The following ZNF804B variants were observed in gnomAD, a reference collection of about 807,000 sequenced individuals.
ZNF804B encodes the protein zinc finger protein 804B, also known as zinc finger 804B.
Under a neutral mutation model 101.4 loss-of-function variants are expected in ZNF804B, and 80 were observed. The ratio of observed to expected loss-of-function variants is 0.79; its 90% CI spans 0.66 to 0.95. ZNF804B has a LOEUF of 0.95. Ranked by LOEUF, ZNF804B falls within the 40% of genes least tolerant of loss-of-function variation. The pLI, the probability that ZNF804B is intolerant of heterozygous loss-of-function variation, is 0.00. For missense variants in ZNF804B, 1,673 were observed against 1,561.9 expected, an observed-to-expected ratio of 1.07 and a Z score of -1.20; for synonymous variants, 622 against 558.8, an observed-to-expected ratio of 1.11 and a Z score of -1.59.
chr7:88,936,379 C>A (rs1271545728), intron 1 of ZNF804B, among the ~76,000 whole-genome samples: 1 of 151,978 alleles, frequency 6.6e-6, no homozygotes, highest in African/African-American at 2.4e-5. Flanking sequence ...GACAGATGAT[C>A]AAAGCAAAAG....
chr7:89,281,987 G>A (rs1790103253), intron 2 of ZNF804B, among the ~76,000 whole-genome samples: 1 of 151,932 alleles, frequency 6.6e-6, no homozygotes, highest in South Asian at 2.1e-4. Context: ...GGATCACGAG[G>A]TCAGGAGATC....
chr7:88,852,370 G>A (rs895610475), intron 1 of ZNF804B, among the ~76,000 whole-genome samples: 8 of 151,950 alleles, frequency 5.3e-5, no homozygotes, highest in Admixed American at 5.3e-4. Context: ...ACAGCTTCAG[G>A]GATTTTTTTT....
intron 1 of ZNF804B, among the ~76,000 whole-genome samples, chr7:88,966,894 T>G (rs1444773646): frequency 6.6e-6 from 1 of 151,390 alleles, no homozygotes; most frequent in South Asian, 2.1e-4. Flanking sequence ...CCACCATAGG[T>G]GTACTGATTC....
intron 1 of ZNF804B, among the ~76,000 whole-genome samples, chr7:89,009,043 A>G (rs1788412847): frequency 6.6e-6 from 1 of 152,138 alleles, no homozygotes; most frequent in African/African-American, 2.4e-5. Flanking sequence ...TCCACAAGGT[A>G]CTTGCCCATT....
chr7:88,893,328 C>T (rs748686988), intron 1 of ZNF804B, among the ~76,000 whole-genome samples: 4 of 152,004 alleles, frequency 2.6e-5, no homozygotes, highest in African/African-American at 7.2e-5. Flanking sequence ...CTTATCTGAA[C>T]ATCTATCATC....
At chr7:89,065,119 A>G (rs541883236) in intron 1 of ZNF804B, among the ~76,000 whole-genome samples, 36 of 152,268 alleles carry the variant, frequency 2.4e-4, no homozygotes, top group African/African-American at 7.2e-4. Context: ...ACCTGTCAAG[A>G]GAAAGAACCC....
chr7:89,113,856 C>T (rs1303471642), intron 1 of ZNF804B, among the ~76,000 whole-genome samples: 5 of 151,008 alleles, frequency 3.3e-5, no homozygotes, highest in Non-Finnish European at 5.9e-5. Context: ...GGCTGAGGCA[C>T]GAGAATCGCT....
In ZNF804B at chr7:89,334,898, T is replaced by G. The variant is rs1056355170; in HGVS notation, c.1916T>G (p.Leu639Trp). The G allele has an allele frequency of 1.9e-6, 3 of 1,613,838 alleles. No individual in the cohort carries two copies. Among genetic ancestry groups the G allele is most frequent in the Non-Finnish European group, 2.5e-6 (3 of 1,179,880 alleles). ...ATCTCTAGGTTTAAAAAGCATAAAT[T>G]GATTCCCTGCAGTCCTCATTTGGAA... ...SYISRFKKHK[L>W]IPCSPHLEFE... Residue 639 changes from leucine to tryptophan, a missense_variant, in exon 4 of 4, where the codon TTG (leucine) becomes TGG (tryptophan). Coordinates refer to ENST00000333190, the MANE Select transcript of ZNF804B (RefSeq NM_181646.5).
Position 89,220,109 on chromosome 7 carries a change from G to GCA in ZNF804B, c.249+1814_249+1815insCA, listed in dbSNP as rs1788977315. 6.3e-5 allele frequency among the ~76,000 whole-genome samples: 7 copies of GCA among 110,262 alleles called. 1 individual carries two copies. The highest frequency in any genetic ancestry group is 2.7e-4 in the African/African-American group (7 of 25,522). The allele number at this position is 110,262 out of a possible 152,430, so 72.3% of individuals were successfully genotyped here. On this transcript the variant is annotated intron_variant, in intron 2 of 3. Transcript: ENST00000333190. The stretch of plus-strand genomic sequence containing the variant: ...TATATATACGCACATATATATGTGT[G>GCA]TATATACATATATATACGCACACAT...
At chr7:89,035,847 C>T (rs981150868) in intron 1 of ZNF804B, among the ~76,000 whole-genome samples, 2 of 146,438 alleles carry the variant, frequency 1.4e-5, no homozygotes, top group African/African-American at 5.0e-5. Flanking sequence ...GGGATATTTG[C>T]AGTCATTCCA....
chr7:89,063,733 C>T (rs973431126), intron 1 of ZNF804B, among the ~76,000 whole-genome samples: 23 of 152,024 alleles, frequency 1.5e-4, no homozygotes, highest in Non-Finnish European at 2.9e-5. Context: ...GAGGAAGTCC[C>T]CAATATTTAA....
intron 1 of ZNF804B, among the ~76,000 whole-genome samples, chr7:89,103,469 T>C (rs1355391792): frequency 6.8e-6 from 1 of 147,434 alleles, no homozygotes; most frequent in Non-Finnish European, 1.5e-5. Context: ...TTTCTAGGTA[T>C]TTTGTGTGTG....
At chr7:88,791,797 A>G (rs1790385668) in intron 1 of ZNF804B, among the ~76,000 whole-genome samples, 1 of 152,258 alleles carries the variant, frequency 6.6e-6, no homozygotes, top group East Asian at 1.9e-4. Flanking sequence ...ATTTTTCCAC[A>G]GTGCTGCGTA....
intron 1 of ZNF804B, among the ~76,000 whole-genome samples, chr7:88,820,728 C>A (rs1258759456): frequency 6.6e-6 from 1 of 151,934 alleles, no homozygotes. Flanking sequence ...TCACTGCCTG[C>A]AATTGAATGA....
intron 1 of ZNF804B, among the ~76,000 whole-genome samples, chr7:89,176,167 C>A (rs1791315332): frequency 6.6e-6 from 1 of 151,886 alleles, no homozygotes; most frequent in Non-Finnish European, 1.5e-5. Context: ...AGTTTCTCCC[C>A]ATTCATGATA....
At position 89,188,589 on chromosome 7, in the gene ZNF804B, A is replaced by C. The variant is rs1052462306; in HGVS notation, c.109-29566A>C. On this transcript the variant is annotated intron_variant, in intron 1 of 3. Transcript: ENST00000333190. ...GCGTGGCCACTTGAATCAAACAGTT[A>C]GCAAAGTTCTGAATGCAAAGGAAAA... Among the ~76,000 whole-genome samples, 5 of 152,310 alleles carry C rather than the reference A, an allele frequency of 3.3e-5. 1 individual carries two copies. Among genetic ancestry groups the C allele is most frequent in the Middle Eastern group, 6.8e-3 (2 of 294 alleles).
At chr7:89,191,885 T>C (rs573539334) in intron 1 of ZNF804B, among the ~76,000 whole-genome samples, 2 of 152,222 alleles carry the variant, frequency 1.3e-5, no homozygotes, top group South Asian at 4.1e-4. Flanking sequence ...CCCGTAAGAA[T>C]AGCTTACATG....
intron 2 of ZNF804B, among the ~76,000 whole-genome samples, chr7:89,262,683 T>A (rs1179715484): frequency 6.6e-6 from 1 of 152,190 alleles, no homozygotes; most frequent in East Asian, 1.9e-4. Flanking sequence ...TCCAGAATAT[T>A]TGTGTGCCCA....
chr7:89,046,586 A>G (rs1789110531), intron 1 of ZNF804B, among the ~76,000 whole-genome samples: 1 of 152,188 alleles, frequency 6.6e-6, no homozygotes, highest in African/African-American at 2.4e-5. Context: ...CTAACCAAAT[A>G]TACCTCCTTA....
Sources: gnomAD v4.1 joint callset for allele counts (sites outside exome capture counted in the v4.1 genomes callset) on GRCh38, gnomAD v4.1.1 for gene constraint, MANE v1.5 for transcripts, NCBI Gene and HGNC (gene_info 2026-07-23, HGNC 2026-07-21) for gene names.